The following POU2F3 variants were observed in gnomAD, a reference collection of about 807,000 sequenced individuals.
The protein encoded by POU2F3 is POU domain, class 2, transcription factor 3.
Under a neutral mutation model 59.2 loss-of-function variants are expected in POU2F3, and 23 were observed. The ratio of observed to expected loss-of-function variants is 0.39; its 90% CI spans 0.28 to 0.55. The LOEUF (loss-of-function observed/expected upper bound fraction) is 0.55. Ranked by LOEUF, POU2F3 falls within the 20% of genes least tolerant of loss-of-function variation. The pLI, the probability that POU2F3 is intolerant of heterozygous loss-of-function variation, is 0.66. For missense variants in POU2F3, 473 were observed against 544.5 expected, an observed-to-expected ratio of 0.87 and a Z score of 1.31; for synonymous variants, 190 against 214.6, an observed-to-expected ratio of 0.89 and a Z score of 1.00.
chr11:120,256,798 C>T (rs1939361290), intron 2 of POU2F3: 1 of 152,212 alleles, frequency 6.6e-6, no homozygotes, highest in African/African-American at 2.4e-5. Flanking sequence ...GTTGTAGTTC[C>T]AGAAGATCTA....
intron 8 of POU2F3, among the ~76,000 whole-genome samples, chr11:120,306,230 T>C (rs1941482754): frequency 6.6e-6 from 1 of 152,104 alleles, no homozygotes; most frequent in East Asian, 1.9e-4. Context: ...TGGGTAGTTC[T>C]TGAGGAGGTT....
At chr11:120,266,701 C>A (rs1279376475) in intron 2 of POU2F3, among the ~76,000 whole-genome samples, 5 of 152,194 alleles carry the variant, frequency 3.3e-5, no homozygotes, top group Non-Finnish European at 5.9e-5. Flanking sequence ...TTGAGTGGCC[C>A]TTCCAGGTCA....
intron 3 of POU2F3, among the ~76,000 whole-genome samples, chr11:120,272,795 G>C (rs1437977078): frequency 1.3e-5 from 2 of 152,196 alleles, no homozygotes; most frequent in African/African-American, 4.8e-5. Context: ...GGACAGATAA[G>C]ATAGACTTGA....
intron 3 of POU2F3, among the ~76,000 whole-genome samples, chr11:120,283,050 G>A (rs1412268684): frequency 6.6e-6 from 1 of 152,238 alleles, no homozygotes; most frequent in African/African-American, 2.4e-5. Context: ...AAGTGTGGCT[G>A]AGAAGAGTGA....
chr11:120,276,485 C>T (rs1379817236), intron 3 of POU2F3, among the ~76,000 whole-genome samples: 1 of 152,038 alleles, frequency 6.6e-6, no homozygotes, highest in Non-Finnish European at 1.5e-5. Flanking sequence ...GACTCTTGTT[C>T]CCCTGAGGAT....
chr11:120,238,931 G>C (rs1938567757), upstream of POU2F3, among the ~76,000 whole-genome samples: 1 of 150,994 alleles, frequency 6.6e-6, no homozygotes, highest in East Asian at 2.0e-4. Flanking sequence ...CAATGTACAG[G>C]TTTTGAGGAC....
At chr11:120,307,890 T>G (rs1270236128) in intron 9 of POU2F3, among the ~76,000 whole-genome samples, 2 of 152,228 alleles carry the variant, frequency 1.3e-5, no homozygotes, top group Non-Finnish European at 2.9e-5. Flanking sequence ...ATTTAAAGAA[T>G]GGGCTATAGG....
At chr11:120,303,341 C>T (rs1463295619) in intron 6 of POU2F3, 1 of 152,216 alleles carries the variant, frequency 6.6e-6, no homozygotes, top group Non-Finnish European at 1.5e-5. Flanking sequence ...ACTCTCATCT[C>T]TTATCATATT....
intron 3 of POU2F3, among the ~76,000 whole-genome samples, chr11:120,286,337 C>A (rs546456106): frequency 6.6e-6 from 1 of 152,326 alleles, no homozygotes; most frequent in African/African-American, 2.4e-5. Flanking sequence ...GTCTGCCAAT[C>A]ACTCCCTTTA....
At chr11:120,236,769 CT>C, upstream of POU2F3, 20 of 1,393,108 alleles carry the variant, frequency 1.4e-5, no homozygotes, top group Non-Finnish European at 2.0e-5. Context: ...GTGAGCAAGT[CT>C]GAGAGAGAAG....
intron 2 of POU2F3, among the ~76,000 whole-genome samples, chr11:120,262,926 A>C (rs1203300053): frequency 6.6e-6 from 1 of 151,572 alleles, no homozygotes; most frequent in Non-Finnish European, 1.5e-5. Context: ...ATAACATAAA[A>C]TTTACTGTCT....
chr11:120,267,635 A>G (rs1420783798), intron 2 of POU2F3, among the ~76,000 whole-genome samples: 1 of 146,972 alleles, frequency 6.8e-6, no homozygotes, highest in Non-Finnish European at 1.5e-5. Flanking sequence ...GCTGAGGAAA[A>G]GGGGTTAAAA....
At position 120,307,447 on chromosome 11, in the gene POU2F3, T is replaced by C. The variant is rs375985928; in HGVS notation, c.770-32T>C. The C allele has an allele frequency of 2.8e-5, 45 of 1,611,204 alleles. No homozygotes were observed. In the African/African-American group the frequency reaches 5.7e-4, roughly 21 times the overall value. On this transcript the variant is annotated intron_variant, in intron 8 of 12. Transcript: ENST00000543440. ...GGCACCGGCCACTCATCCCCTTCTC[T>C]GAGCTTCCTCTGGTCCTTCGTGTCC...
At position 120,299,860 on chromosome 11, in the gene POU2F3, T is replaced by C; in HGVS notation, c.361+134T>C. The stretch of plus-strand genomic sequence containing the variant: ...CACCCATCTGCTATTAAGACCTACT[T>C]ATCCACCCCAGGGTCTGAGGAAGGG... On this transcript the variant is annotated intron_variant, in intron 5 of 12. Coordinates refer to ENST00000543440, the MANE Select transcript of POU2F3 (RefSeq NM_014352.4). The C allele has an allele frequency of 5.9e-6, 4 of 674,478 alleles. No individual in the cohort carries two copies. In the South Asian group the frequency reaches 7.8e-5, roughly 13 times the overall value. The allele number at this position is 674,478 out of a possible 1,614,324, so 41.8% of individuals were successfully genotyped here.
intron 3 of POU2F3, among the ~76,000 whole-genome samples, chr11:120,290,831 C>T (rs180959902): frequency 3.0e-4 from 45 of 152,306 alleles, no homozygotes; most frequent in Non-Finnish European, 5.1e-4. Context: ...TGGGCACGCG[C>T]GTGCACGCGT....
chr11:120,299,735 C>T lies in POU2F3; in HGVS notation c.361+9C>T, dbSNP rs766447533. On this transcript the variant is annotated intron_variant, in intron 5 of 12. Coordinates refer to ENST00000543440, the MANE Select transcript of POU2F3 (RefSeq NM_014352.4). ...CCAGCCTGGGCAGCAAGGTAAGAACCCTGGGGGTTTCCACCTAGACCAAGT... is the reference window on the plus strand; with the variant it reads ...CCAGCCTGGGCAGCAAGGTAAGAACTCTGGGGGTTTCCACCTAGACCAAGT... 2 of 1,606,974 alleles carry T rather than the reference C, an allele frequency of 1.2e-6. No individual in the cohort carries two copies. The highest frequency in any genetic ancestry group is 1.1e-5 in the South Asian group (1 of 90,558).
At chr11:120,288,128 C>CAAAAAAAAAAAAAAAAAAAAAAAAAAA in intron 3 of POU2F3, among the ~76,000 whole-genome samples, 14 of 63,326 alleles carry the variant, frequency 2.2e-4, no homozygotes, top group East Asian at 6.4e-4. Context: ...ACAAAAAAAC[C>CAAAAAAAAAAAAAAAAAAAAAAAAAAA]AAAAAAAAAA....
Position 120,318,706 on chromosome 11 carries a change from C to T in POU2F3, c.*314C>T, listed in dbSNP as rs966512178. 3.2e-6 allele frequency: 1 copy of T among 310,790 alleles called. No homozygotes were observed. Among genetic ancestry groups the T allele is most frequent in the African/African-American group, 2.2e-5 (1 of 46,382 alleles). The allele number at this position is 310,790 out of a possible 1,614,324, so 19.3% of individuals were successfully genotyped here. A position where few individuals can be genotyped will look rare whatever the true frequency, so the allele number is the denominator to read the frequency against. On this transcript the variant is annotated 3_prime_UTR_variant, in exon 13 of 13. Transcript: ENST00000543440. ...CAGCTTCACTGTGGCAATAGTCTTT[C>T]AGAGAAAAGACTTCTTGCTGTTATT... is the stretch of plus-strand genomic sequence containing the variant.
At chr11:120,272,737 G>A (rs756518425) in intron 3 of POU2F3, among the ~76,000 whole-genome samples, 62 of 152,286 alleles carry the variant, frequency 4.1e-4, no homozygotes, top group Non-Finnish European at 9.0e-4. Flanking sequence ...GGGGGAAAAG[G>A]GTGGGAAGGT....
Sources: allele counts gnomAD v4.1 joint callset (sites outside exome capture counted in the v4.1 genomes callset), GRCh38; gene constraint gnomAD v4.1.1; transcripts MANE v1.5; gene names NCBI Gene and HGNC (gene_info 2026-07-23, HGNC 2026-07-21).